Variants in FAM161B observed in about 807,000 individuals in gnomAD.
FAM161B encodes the protein protein FAM161B.
A neutral mutation model predicts 61.5 loss-of-function variants in FAM161B; 46 were observed. The ratio of observed to expected loss-of-function variants is 0.75; its 90% CI spans 0.59 to 0.96. The LOEUF (loss-of-function observed/expected upper bound fraction) is 0.96. Ranked by LOEUF, FAM161B falls within the 40% of genes least tolerant of loss-of-function variation. FAM161B has a pLI of 0.00. For missense variants in FAM161B, 774 were observed against 800.7 expected, an observed-to-expected ratio of 0.97 and a Z score of 0.40; for synonymous variants, 284 against 302.7, an observed-to-expected ratio of 0.94 and a Z score of 0.64.
chr14:73,929,277 T>TG (rs2055877208), downstream of FAM161B, among the ~76,000 whole-genome samples: 1 of 152,058 alleles, frequency 6.6e-6, no homozygotes, highest in African/African-American at 2.4e-5. Context: ...TTTCAAGCTG[T>TG]GAGGCCCTCA....
At chr14:73,943,364 A>C (rs1024749234) in intron 3 of FAM161B, among the ~76,000 whole-genome samples, 1 of 152,078 alleles carries the variant, frequency 6.6e-6, no homozygotes, top group Non-Finnish European at 1.5e-5. Flanking sequence ...AATCAGAAGG[A>C]TCCTTCTGAA....
Position 73,937,604 on chromosome 14 carries a change from T to C in FAM161B, c.1663A>G (p.Lys555Glu). The C allele has an allele frequency of 1.2e-6, 2 of 1,611,916 alleles. No homozygotes were observed. Among genetic ancestry groups the C allele is most frequent in the Non-Finnish European group, 1.7e-6 (2 of 1,179,440 alleles). ...TRPYLFEQVA[K>E]DLAKKEAEQW... ...AACAAATGATGGTTTAGTTTTACCT[T>C]GGCAACTTGTTCAAAGAGATAGGGC... The change falls in exon 7 of 9, where the codon AAG becomes GAG. Residue 555 changes from lysine (K) to glutamate (E), a missense_variant and splice_region_variant. Transcript: ENST00000286544.
At chr14:73,936,315 G>A (rs988784612) in intron 7 of FAM161B, among the ~76,000 whole-genome samples, 17 of 152,084 alleles carry the variant, frequency 1.1e-4, no homozygotes, top group African/African-American at 4.1e-4. Context: ...TGTCAGATGA[G>A]GACTGTAATT....
downstream of FAM161B, chr14:73,931,465 C>G: frequency 6.4e-7 from 1 of 1,571,170 alleles, no homozygotes; most frequent in Non-Finnish European, 8.7e-7. Context: ...TATAATTCAA[C>G]TGTAACCTAT....
chr14:73,929,813 T>A (rs887924592), downstream of FAM161B, among the ~76,000 whole-genome samples: 7 of 145,176 alleles, frequency 4.8e-5, no homozygotes, highest in Non-Finnish European at 6.1e-5. Flanking sequence ...CCAAACTCTT[T>A]AAAAAAAAAA....
chr14:73,938,608 T>G (rs2055991446), intron 5 of FAM161B, among the ~76,000 whole-genome samples: 1 of 150,720 alleles, frequency 6.6e-6, no homozygotes, highest in Non-Finnish European at 1.5e-5. Context: ...CCATCTCTAC[T>G]AAAAATACAA....
intron 3 of FAM161B, 50 bp from the exon 4 acceptor site, chr14:73,942,765 A>T (rs1248053626): frequency 6.5e-7 from 1 of 1,533,130 alleles, no homozygotes; most frequent in South Asian, 1.2e-5. Flanking sequence ...CAAGAAACCT[A>T]CAGGGTTGGA....
At chr14:73,949,829 C>G in intron 1 of FAM161B, 144 bp downstream of exon 1, 1 of 1,201,594 alleles carries the variant, frequency 8.3e-7, no homozygotes. Context: ...GTCTGTAAGT[C>G]AGAGTCCGCC....
chr14:73,942,465 G>T lies in FAM161B; in HGVS notation c.1176C>A (p.Thr392=), dbSNP rs201226787. The T allele has an allele frequency of 6.2e-7, 1 of 1,614,168 alleles. No individual in the cohort carries two copies. The highest frequency in any genetic ancestry group is 1.3e-5 in the African/African-American group (1 of 75,038). The change falls in exon 4 of 9, where the codon ACC becomes ACA. Residue 392 remains threonine, a synonymous_variant. Transcript: ENST00000286544. Reference sequence around the variant, plus strand: ...AGGGCTTGTTGCGAGTGGCCTCTTGGGTTTCTCTTCTTTTGGCTGCTCTTC... The same window carrying T: ...AGGGCTTGTTGCGAGTGGCCTCTTGTGTTTCTCTTCTTTTGGCTGCTCTTC... ...FQRRAAKRRE[T]QEATRNKPFL...
intron 8 of FAM161B, among the ~76,000 whole-genome samples, chr14:73,934,660 T>A (rs986317876): frequency 2.0e-5 from 3 of 151,870 alleles, no homozygotes; most frequent in Non-Finnish European, 4.4e-5. Context: ...TTGCCCAGGC[T>A]GGTCTCAAAC....
At chr14:73,924,745 C>A in the FAM161B span, 1 of 426,470 alleles carries the variant, frequency 2.3e-6, no homozygotes, top group East Asian at 7.1e-5. Context: ...GGTGCGTTCT[C>A]GGCTCACTGC....
chr14:73,936,893 A>G (rs1313180311), intron 7 of FAM161B, among the ~76,000 whole-genome samples: 1 of 152,198 alleles, frequency 6.6e-6, no homozygotes, highest in African/African-American at 2.4e-5. Context: ...AAAGAGATCC[A>G]CAGAGCCTAA....
downstream of FAM161B, chr14:73,931,614 A>G: frequency 7.4e-7 from 1 of 1,359,768 alleles, no homozygotes. Flanking sequence ...AGGATGCCTT[A>G]GCCCACAACA....
chr14:73,924,612 T>A, the FAM161B span: 1 of 422,320 alleles, frequency 2.4e-6, no homozygotes, highest in South Asian at 1.7e-5. Context: ...TCAAAACCTC[T>A]GTAGCTTGGA....
chr14:73,944,286 G>A, intron 3 of FAM161B, 49 bp downstream of exon 3: 1 of 1,532,900 alleles, frequency 6.5e-7, no homozygotes, highest in East Asian at 2.3e-5. Context: ...CCTATGGTGG[G>A]ATTGGTTCCC....
At chr14:73,925,588 C>T in the FAM161B span, among the ~76,000 whole-genome samples, 2 of 152,064 alleles carry the variant, frequency 1.3e-5, no homozygotes, top group East Asian at 3.9e-4. Context: ...CTACCAAACC[C>T]GGCTAATTTT....
intron 5 of FAM161B, among the ~76,000 whole-genome samples, chr14:73,938,787 A>T (rs2055993764): frequency 6.6e-6 from 1 of 152,164 alleles, no homozygotes; most frequent in African/African-American, 2.4e-5. Flanking sequence ...ATAATAATAA[A>T]TAAATAAATA....
Position 73,944,879 on chromosome 14 carries a change from G to A in FAM161B, c.381C>T (p.Gly127=), listed in dbSNP as rs776722406. The A allele has an allele frequency of 2.6e-6, 4 of 1,511,498 alleles. No individual in the cohort carries two copies. The highest frequency in any genetic ancestry group is 3.5e-6 in the Non-Finnish European group (4 of 1,131,774). 93.6% of individuals were successfully genotyped at this position (1,511,498 alleles called of 1,614,324 possible). A position where few individuals can be genotyped will look rare whatever the true frequency, so the allele number is the denominator to read the frequency against. Residue 127 remains glycine, a synonymous_variant, in exon 3 of 9, where the codon GGC becomes GGT. Transcript: ENST00000286544. ...TCAGGGAGCTGCAGCGCCTTGTGGA[G>A]CCACACCTGGGAAAAAAGCAGATCT... ...QVQCPQALRC[G]STRRCSSLNN... is the part of the protein sequence containing the mutation.
downstream of FAM161B, chr14:73,931,533 C>T (rs945612998): frequency 2.2e-5 from 36 of 1,607,980 alleles, no homozygotes; most frequent in Admixed American, 3.5e-5. Flanking sequence ...AACTGAAAGA[C>T]GGACATGAGC....
Sources: allele counts gnomAD v4.1 joint callset (sites outside exome capture counted in the v4.1 genomes callset), GRCh38; gene constraint gnomAD v4.1.1; transcripts MANE v1.5; gene names NCBI Gene and HGNC (gene_info 2026-07-23, HGNC 2026-07-21).